NUP107: variants seen among roughly 807,000 people sequenced by gnomAD.
The protein encoded by NUP107 is nucleoporin 107, also known as nuclear pore complex protein Nup107.
A neutral mutation model predicts 141.0 loss-of-function variants in NUP107; 101 were observed. That is an observed-to-expected ratio of 0.72 (90% confidence interval 0.61 to 0.84). The LOEUF is 0.84. Among genes scored for constraint, NUP107 ranks in the 40% least tolerant of loss-of-function variants. NUP107 has a pLI of 0.00. For missense variants in NUP107, 941 were observed against 1,102.7 expected, an observed-to-expected ratio of 0.85 and a Z score of 2.08; for synonymous variants, 319 against 363.9, an observed-to-expected ratio of 0.88 and a Z score of 1.41.
At position 68,726,629 on chromosome 12, in the gene NUP107, T is replaced by C. The variant is rs1877577764; in HGVS notation, c.1695+12T>C. The C allele has an allele frequency of 2.0e-6, 3 of 1,500,770 alleles. No individual in the cohort carries two copies. Among genetic ancestry groups the C allele is most frequent in the Admixed American group, 1.7e-5 (1 of 59,160 alleles). The allele number at this position is 1,500,770 out of a possible 1,614,324, so 93.0% of individuals were successfully genotyped here. ...GACTACAGACCAAGGTATATAAAAA[T>C]GAACGATTTCTTCTTCTCTGTAATG... On this transcript the variant is annotated intron_variant, in intron 19 of 27. Transcript: ENST00000229179.
chr12:68,716,083 T>C (rs1877092971), intron 12 of NUP107, among the ~76,000 whole-genome samples: 1 of 151,770 alleles, frequency 6.6e-6, no homozygotes, highest in South Asian at 2.1e-4. Context: ...TTTGAGACAG[T>C]GTCTTGCCAT....
chr12:68,727,474 TG>T, intron 20 of NUP107, 85 bp downstream of exon 20: 1 of 732,608 alleles, frequency 1.4e-6, no homozygotes, highest in South Asian at 2.0e-5. Context: ...TAATTCTCAG[TG>T]GTAAGAAAGC....
chr12:68,706,217 C>G (rs1166593361), intron 8 of NUP107: 1 of 767,366 alleles, frequency 1.3e-6, no homozygotes, highest in African/African-American at 1.7e-5. Flanking sequence ...TGAATTTGTC[C>G]TCATCAAGAA....
intron 11 of NUP107, 59 bp from the exon 12 acceptor site, chr12:68,715,567 TA>T: frequency 1.1e-6 from 1 of 882,048 alleles, no homozygotes. Flanking sequence ...TGATGATGTG[TA>T]AAATGTATGT....
At chr12:68,736,716 C>CT (rs1878083456) in intron 26 of NUP107, among the ~76,000 whole-genome samples, 1 of 120,438 alleles carries the variant, frequency 8.3e-6, no homozygotes, top group East Asian at 2.5e-4. Context: ...TGTGTCGCCA[C>CT]CTTTTTTTTT....
chr12:68,691,906 T>A, intron 4 of NUP107, 62 bp from the exon 5 acceptor site: 1 of 1,336,398 alleles, frequency 7.5e-7, no homozygotes, highest in Non-Finnish European at 1.0e-6. Context: ...TTTTAAAGTA[T>A]CCACTCAGTG....
At chr12:68,721,217 G>A (rs1259183408) in intron 15 of NUP107, 40 bp downstream of exon 15, 12 of 1,344,820 alleles carry the variant, frequency 8.9e-6, no homozygotes, top group African/African-American at 1.5e-5. Flanking sequence ...TTTCTGTGGA[G>A]TAAAATTAAA....
chr12:68,687,072 A>T lies in NUP107; in HGVS notation c.7A>T (p.Arg3Trp). 2 of 1,614,168 alleles carry T rather than the reference A, an allele frequency of 1.2e-6. No homozygotes were observed. Among genetic ancestry groups the T allele is most frequent in the Non-Finnish European group, 1.7e-6 (2 of 1,179,984 alleles). Residue 3 changes from arginine (R) to tryptophan (W), a missense_variant and splice_region_variant, in exon 1 of 28, where the codon AGG becomes TGG. Transcript: ENST00000229179. Reference protein sequence around the residue: MDRSGFGEISSPV... With the variant: MDWSGFGEISSPV... ...TGTGGAAAAGGCTTTAGCCATGGAC[A>T]GGTCAGTACTGATGGTGGCAGCTGA... is the stretch of plus-strand genomic sequence containing the variant.
intron 10 of NUP107, 76 bp from the exon 11 acceptor site, chr12:68,713,654 G>T: frequency 9.9e-7 from 1 of 1,005,922 alleles, no homozygotes; most frequent in South Asian, 1.4e-5. Context: ...TTCTTCCTTT[G>T]ACTTGATTTG....
chr12:68,732,599 T>C (rs1285628384), intron 22 of NUP107, 38 bp from the exon 23 acceptor site: 1 of 1,318,022 alleles, frequency 7.6e-7, no homozygotes, highest in African/African-American at 1.5e-5. Context: ...AAAAAAACTC[T>C]GATATTCCTT....
chr12:68,712,149 G>A (rs935589754), intron 10 of NUP107, among the ~76,000 whole-genome samples: 1 of 152,078 alleles, frequency 6.6e-6, no homozygotes, highest in Non-Finnish European at 1.5e-5. Context: ...AGGTCAGATT[G>A]TGGCTGGGCA....
chr12:68,717,952 T>C (rs1877184331), intron 12 of NUP107, among the ~76,000 whole-genome samples: 2 of 152,196 alleles, frequency 1.3e-5, no homozygotes, highest in African/African-American at 2.4e-5. Flanking sequence ...CTTTCTGGGT[T>C]CAAGTGATAG....
chr12:68,729,458 A>G (rs1877719352), intron 20 of NUP107, among the ~76,000 whole-genome samples: 1 of 146,172 alleles, frequency 6.8e-6, no homozygotes, highest in African/African-American at 2.5e-5. Context: ...TTTTTTTGAG[A>G]TGGAGTCTCA....
chr12:68,732,627 TAATA>T lies in NUP107; in HGVS notation c.1999-5_1999-2del. On this transcript the variant is annotated splice_polypyrimidine_tract_variant and splice_region_variant and intron_variant, in intron 22 of 27. Coordinates refer to ENST00000229179, the MANE Select transcript of NUP107 (RefSeq NM_020401.4). ...TATTCCTTTTTCTTTTTTTCCCCTT[TAATA>T]AATAGGAGGATCGTTTAAAAATTGA... 1 of 1,547,996 alleles carries T rather than the reference TAATA, an allele frequency of 6.5e-7. No individual in the cohort carries two copies. The highest frequency in any genetic ancestry group is 8.8e-7 in the Non-Finnish European group (1 of 1,138,588).
intron 12 of NUP107, among the ~76,000 whole-genome samples, chr12:68,718,893 T>TG (rs1467393538): frequency 1.6e-4 from 24 of 151,648 alleles, no homozygotes; most frequent in South Asian, 2.1e-4. Context: ...TATGTATGTA[T>TG]TTATTTAGTT....
At chr12:68,721,719 A>G in intron 15 of NUP107, 122 bp from the exon 16 acceptor site, 1 of 977,388 alleles carries the variant, frequency 1.0e-6, no homozygotes, top group Non-Finnish European at 1.5e-6. Flanking sequence ...ATTTTTTTAA[A>G]ATCTGCCGTG....
intron 7 of NUP107, 144 bp from the exon 8 acceptor site, chr12:68,702,592 A>G: frequency 3.6e-6 from 2 of 548,354 alleles, no homozygotes; most frequent in South Asian, 2.2e-5. Flanking sequence ...TTACAAAAAT[A>G]CAGATATACA....
In NUP107 at chr12:68,687,051, G is replaced by C. The variant is rs771109119; in HGVS notation, c.-15G>C. ...CTGCAGCCAACTTTGGTTGTGTGTG[G>C]AAAAGGCTTTAGCCATGGACAGGTC... On this transcript the variant is annotated 5_prime_UTR_variant, in exon 1 of 28. Transcript: ENST00000229179. The C allele has an allele frequency of 6.2e-7, 1 of 1,614,204 alleles. No homozygotes were observed. Among genetic ancestry groups the C allele is most frequent in the Non-Finnish European group, 8.5e-7 (1 of 1,180,000 alleles).
chr12:68,737,947 G>C (rs889437101), intron 26 of NUP107, among the ~76,000 whole-genome samples: 5 of 152,032 alleles, frequency 3.3e-5, no homozygotes, highest in Non-Finnish European at 7.4e-5. Flanking sequence ...TTCGAGACCA[G>C]CCTGGCCAAT....
Sources: allele counts gnomAD v4.1 joint callset (sites outside exome capture counted in the v4.1 genomes callset), GRCh38; gene constraint gnomAD v4.1.1; transcripts MANE v1.5; gene names NCBI Gene and HGNC (gene_info 2026-07-23, HGNC 2026-07-21).